SNX29: variants seen among roughly 807,000 people sequenced by gnomAD.
SNX29 encodes sorting nexin-29.
In SNX29, 78 loss-of-function variants were observed where a neutral mutation model predicts 102.1. The ratio of observed to expected loss-of-function variants is 0.76; its 90% CI spans 0.64 to 0.92. The LOEUF (loss-of-function observed/expected upper bound fraction) is 0.92, where lower values mean the gene tolerates loss of function less well. SNX29 is among the 40% of genes least tolerant of loss of function. SNX29 has a pLI of 0.00. For missense variants in SNX29, 1,280 were observed against 1,061.7 expected (o/e 1.21, Z -2.86); for synonymous variants, 580 against 414.5 (o/e 1.40, Z -4.85).
At chr16:12,101,212 C>A (rs904352812) in intron 11 of SNX29, among the ~76,000 whole-genome samples, 3 of 151,502 alleles carry the variant, frequency 2.0e-5, no homozygotes, top group Non-Finnish European at 4.4e-5. Flanking sequence ...CTGAAGGGAG[C>A]AGCCTATTTT....
chr16:12,057,683 A>AT (rs2050575317), intron 8 of SNX29, among the ~76,000 whole-genome samples: 1 of 152,094 alleles, frequency 6.6e-6, no homozygotes, highest in Non-Finnish European at 1.5e-5. Flanking sequence ...ACAGCAGAAG[A>AT]TTTTATAGTT....
intron 13 of SNX29, among the ~76,000 whole-genome samples, chr16:12,196,627 T>TTC (rs1567300779): frequency 2.0e-5 from 3 of 147,862 alleles, no homozygotes; most frequent in Middle Eastern, 3.2e-3. Flanking sequence ...TTTTTCTTTT[T>TTC]TTTTTTTTTT....
At chr16:12,502,283 G>T (rs1268672812) in intron 19 of SNX29, among the ~76,000 whole-genome samples, 1 of 152,148 alleles carries the variant, frequency 6.6e-6, no homozygotes, top group Non-Finnish European at 1.5e-5. Flanking sequence ...TCTTGAGCTA[G>T]TGTAGACCAG....
chr16:12,264,886 C>A (rs144952076), intron 14 of SNX29, among the ~76,000 whole-genome samples: 1 of 152,146 alleles, frequency 6.6e-6, no homozygotes, highest in Admixed American at 6.5e-5. Flanking sequence ...TGTGCTCAGA[C>A]CTCCGTGTAC....
At chr16:12,329,093 G>A (rs2856770) in intron 15 of SNX29, among the ~76,000 whole-genome samples, 59,370 of 151,394 alleles carry the variant, frequency 0.39, 13,338 homozygotes, top group Non-Finnish European at 0.53. Context: ...GCAACATCAG[G>A]AGACCCAGTC....
rs79543060 is a variant in SNX29 at position 12,535,845 on chromosome 16, G to A, written c.2318+11004G>A. 3.9e-4 allele frequency among the ~76,000 whole-genome samples: 59 copies of A among 152,164 alleles called. No homozygotes were observed. In the East Asian group the frequency reaches 0.011, roughly 28 times the overall value. On this transcript the variant is annotated intron_variant, in intron 20 of 20. Coordinates refer to ENST00000566228, the MANE Select transcript of SNX29 (RefSeq NM_032167.5). ...ACTTTGGCCTCTCAGTGCTTAGATC[G>A]GCCATGGGAGCCCTATTGGTGCTGT...
rs115285485 is a variant in SNX29, at chr16:12,528,758, C to G, written c.2318+3917C>G. 6.2e-3 allele frequency among the ~76,000 whole-genome samples: 951 copies of G among 152,328 alleles called. 16 individuals are homozygous for G. The highest frequency in any genetic ancestry group is 0.022 in the African/African-American group (904 of 41,566). ...CCCCTCCATTTGAATCTGTGGACAT[C>G]CACGTTACTCATGATGCATTCGGTT... On this transcript the variant is annotated intron_variant, in intron 20 of 20. Coordinates refer to ENST00000566228, the MANE Select transcript of SNX29 (RefSeq NM_032167.5).
intron 14 of SNX29, among the ~76,000 whole-genome samples, chr16:12,225,602 C>T (rs995502584): frequency 1.3e-5 from 2 of 152,148 alleles, no homozygotes; most frequent in Non-Finnish European, 2.9e-5. Flanking sequence ...GTAAGTTGCC[C>T]AGTCTTGGGT....
At chr16:12,407,643 C>T (rs982462522) in intron 18 of SNX29, among the ~76,000 whole-genome samples, 1 of 152,094 alleles carries the variant, frequency 6.6e-6, no homozygotes, top group African/African-American at 2.4e-5. Flanking sequence ...TCATTCAATC[C>T]TTGTAGCCAT....
chr16:12,271,745 CCT>C (rs2079098083), intron 14 of SNX29, among the ~76,000 whole-genome samples: 1 of 151,958 alleles, frequency 6.6e-6, no homozygotes, highest in African/African-American at 2.4e-5. Context: ...GCCTAAGCCT[CCT>C]GAGTAGCTGG....
chr16:12,428,360 T>G (rs892305060), intron 18 of SNX29, among the ~76,000 whole-genome samples: 2 of 152,154 alleles, frequency 1.3e-5, no homozygotes, highest in Non-Finnish European at 2.9e-5. Context: ...AAGATTAAAA[T>G]AAGGTAAGAC....
chr16:12,119,177 G>A (rs765429560), intron 11 of SNX29, among the ~76,000 whole-genome samples: 9 of 152,140 alleles, frequency 5.9e-5, no homozygotes, highest in Non-Finnish European at 1.0e-4. Context: ...CCATGTCCCC[G>A]CATAGACAGT....
intron 4 of SNX29, among the ~76,000 whole-genome samples, chr16:12,037,457 C>G (rs1294488048): frequency 6.6e-6 from 1 of 151,764 alleles, no homozygotes; most frequent in Admixed American, 6.6e-5. Context: ...GAAGGCGGTA[C>G]CAAAAAACTT....
rs1270652580 is a variant in SNX29, at chr16:12,573,061, A to T, written c.*4432A>T. 1 of 232,396 alleles carries T rather than the reference A, an allele frequency of 4.3e-6. No individual in the cohort carries two copies. The allele number at this position is 232,396 out of a possible 1,614,324, so 14.4% of individuals were successfully genotyped here. A position where few individuals can be genotyped will look rare whatever the true frequency, so the allele number is the denominator to read the frequency against. ...GCTAATTCTGCAGTTGTAGCACTGT[A>T]TATTTTATCTCATTTCTGTGCCAAG... is the stretch of plus-strand genomic sequence containing the variant. On this transcript the variant is annotated 3_prime_UTR_variant, in exon 21 of 21. Coordinates refer to ENST00000566228, the MANE Select transcript of SNX29 (RefSeq NM_032167.5).
At chr16:12,241,989 C>A (rs1156371272) in intron 14 of SNX29, among the ~76,000 whole-genome samples, 1 of 152,126 alleles carries the variant, frequency 6.6e-6, no homozygotes, top group Non-Finnish European at 1.5e-5. Flanking sequence ...CATCTAAGAA[C>A]CCATAGCTGG....
intron 20 of SNX29, chr16:12,526,772 A>G (rs1191246640): frequency 2.3e-6 from 1 of 428,522 alleles, no homozygotes; most frequent in Non-Finnish European, 4.4e-6. Flanking sequence ...TCCGCAAGTC[A>G]GTGTCCCCCA....
At position 12,215,591 on chromosome 16, in the gene SNX29, C is replaced by G. The variant is rs536873613; in HGVS notation, c.1678+15908C>G. On this transcript the variant is annotated intron_variant, in intron 14 of 20. Coordinates refer to ENST00000566228, the MANE Select transcript of SNX29 (RefSeq NM_032167.5). ...GCCTGGTCTTTTTAGTTCAAGATTTCTGCCAGGCAGTGGAACAGGCAGGCA... is the reference window on the plus strand; with the variant it reads ...GCCTGGTCTTTTTAGTTCAAGATTTGTGCCAGGCAGTGGAACAGGCAGGCA... Among the ~76,000 whole-genome samples the G allele has an allele frequency of 3.9e-5, 6 of 152,278 alleles. No individual in the cohort carries two copies. The East Asian group carries it at 5.8e-4, about 15-fold the overall frequency.
At chr16:12,101,390 T>A (rs11639701) in intron 11 of SNX29, among the ~76,000 whole-genome samples, 23,979 of 148,794 alleles carry the variant, frequency 0.16, 2,251 homozygotes, top group Admixed American at 0.23. Flanking sequence ...AATTTTATTT[T>A]TTTTTTTTTT....
rs187094466 is a variant in SNX29, at chr16:12,552,671, C to T, written c.2319-15835C>T. 1.8e-3 allele frequency among the ~76,000 whole-genome samples: 281 copies of T among 152,266 alleles called. 1 individual carries two copies. The highest frequency in any genetic ancestry group is 6.6e-3 in the African/African-American group (274 of 41,560). ...ATTGCAATGGGAGACCCAGGCCATG[C>T]AGGGCGTTTACAAGGGTCGGGGGAA... On this transcript the variant is annotated intron_variant, in intron 20 of 20. Coordinates refer to ENST00000566228, the MANE Select transcript of SNX29 (RefSeq NM_032167.5).
Sources: gnomAD v4.1 joint callset for allele counts (sites outside exome capture counted in the v4.1 genomes callset) on GRCh38, gnomAD v4.1.1 for gene constraint, MANE v1.5 for transcripts, NCBI Gene and HGNC (gene_info 2026-07-23, HGNC 2026-07-21) for gene names.